MYBPC1: variants seen among roughly 807,000 people sequenced by gnomAD.
MYBPC1 encodes myosin binding protein C1.
In MYBPC1, 52 loss-of-function variants were observed where a neutral mutation model predicts 147.1. The ratio of observed to expected loss-of-function variants is 0.35; its 90% confidence interval spans 0.28 to 0.45. MYBPC1 has a LOEUF of 0.45. Ranked by LOEUF, MYBPC1 falls within the 20% of genes least tolerant of loss-of-function variation. MYBPC1 has a pLI of 1.00. For missense variants in MYBPC1, 1,228 were observed against 1,440.3 expected (o/e 0.85, Z 2.39); for synonymous variants, 477 against 475.9 (o/e 1.00, Z -0.03).
At position 101,675,376 on chromosome 12, in the gene MYBPC1, A is replaced by T; in HGVS notation, c.2894A>T (p.Asp965Val). Reference protein sequence around the residue: ...VALTWTPPKDDGNAAITGYTI... With the variant: ...VALTWTPPKDVGNAAITGYTI... ...CTCACATGGACTCCACCAAAGGATG[A>T]TGGAAATGCTGCTATCACAGGCTAT... Residue 965 changes from aspartate to valine, a missense_variant, in exon 26 of 32, where the codon GAT becomes GTT. Asp to Val is a radical substitution (Grantham distance 152, BLOSUM62 -3). Coordinates refer to ENST00000361466, the MANE Select transcript of MYBPC1 (RefSeq NM_002465.4). 6.2e-7 allele frequency: 1 copy of T among 1,614,152 alleles called. No individual in the cohort carries two copies. The highest frequency in any genetic ancestry group is 8.5e-7 in the Non-Finnish European group (1 of 1,179,968).
intron 1 of MYBPC1, among the ~76,000 whole-genome samples, chr12:101,608,170 AGAGG>A (rs971867492): frequency 2.0e-5 from 3 of 152,242 alleles, no homozygotes; most frequent in South Asian, 2.1e-4. Context: ...TCAGTGCTGC[AGAGG>A]GAGAGAAAGT....
rs74375240 is a variant in MYBPC1, at chr12:101,617,913, C to G, written c.103+670C>G. Among the ~76,000 whole-genome samples the G allele has an allele frequency of 5.0e-3, 759 of 152,270 alleles. 13 individuals are homozygous for G. The highest frequency in any genetic ancestry group is 0.017 in the African/African-American group (726 of 41,550). ...ACCATGGAAGAAATGATTATCATTA[C>G]TGACCATCTGTCTTAAGCTAAGGAG... On this transcript the variant is annotated intron_variant, in intron 3 of 31. Coordinates refer to ENST00000361466, the MANE Select transcript of MYBPC1 (RefSeq NM_002465.4).
At chr12:101,627,647 T>A (rs1888918154) in intron 4 of MYBPC1, 122 bp from the exon 5 acceptor site, 3 of 1,104,430 alleles carry the variant, frequency 2.7e-6, no homozygotes, top group Non-Finnish European at 4.2e-6. Context: ...ACTTGTAGGG[T>A]TTTTTCCTTC....
chr12:101,687,117 G>A (rs190393230), downstream of MYBPC1, among the ~76,000 whole-genome samples: 13 of 151,688 alleles, frequency 8.6e-5, no homozygotes, highest in Middle Eastern at 3.4e-3. Flanking sequence ...GTACATGTGC[G>A]CAACGTGCAG....
intron 18 of MYBPC1, among the ~76,000 whole-genome samples, chr12:101,659,281 C>CA (rs1016003144): frequency 6.6e-6 from 1 of 152,188 alleles, no homozygotes; most frequent in Non-Finnish European, 1.5e-5. Flanking sequence ...ATTTCATACA[C>CA]AGGGATTCCT....
chr12:101,624,064 G>A (rs920696418), intron 3 of MYBPC1, among the ~76,000 whole-genome samples: 3 of 151,986 alleles, frequency 2.0e-5, no homozygotes, highest in African/African-American at 7.3e-5. Flanking sequence ...TGAGAGCTTT[G>A]AGATATCCTG....
rs1593538879 is a variant in MYBPC1 at position 101,594,983 on chromosome 12, T to C, written c.-88T>C. On this transcript the variant is annotated 5_prime_UTR_variant, in exon 1 of 32. Transcript: ENST00000361466. ...TCCCCAACTGCTTGTCACACCGACC[T>C]GCACCATCTCTCGCCTGCCTGTGGG... 1.5e-6 allele frequency: 2 copies of C among 1,314,052 alleles called. No homozygotes were observed. The highest frequency in any genetic ancestry group is 2.2e-6 in the Non-Finnish European group (2 of 910,804). The allele number at this position is 1,314,052 out of a possible 1,614,324, so 81.4% of individuals were successfully genotyped here.
At chr12:101,599,318 G>C (rs1878845390) in intron 1 of MYBPC1, among the ~76,000 whole-genome samples, 1 of 152,158 alleles carries the variant, frequency 6.6e-6, no homozygotes, top group Admixed American at 6.5e-5. Context: ...TGTTGTTGTT[G>C]TTGTTGTTGG....
chr12:101,675,757 T>C (rs1397452592), intron 26 of MYBPC1, among the ~76,000 whole-genome samples: 1 of 152,262 alleles, frequency 6.6e-6, no homozygotes, highest in Non-Finnish European at 1.5e-5. Context: ...ACTGGTTCAA[T>C]GTTCAGTAGA....
the MYBPC1 span, among the ~76,000 whole-genome samples, chr12:101,693,426 T>C: frequency 2.6e-5 from 4 of 152,096 alleles, no homozygotes; most frequent in Non-Finnish European, 5.9e-5. Flanking sequence ...CAATACCCAC[T>C]CTCTCACTTT....
intron 2 of MYBPC1, among the ~76,000 whole-genome samples, chr12:101,616,960 T>C (rs1886242721): frequency 6.6e-6 from 1 of 152,210 alleles, no homozygotes; most frequent in Non-Finnish European, 1.5e-5. Context: ...AAATCTGTAT[T>C]GAGTGTTCTT....
At chr12:101,662,806 C>T (rs1896791583) in intron 21 of MYBPC1, among the ~76,000 whole-genome samples, 2 of 152,166 alleles carry the variant, frequency 1.3e-5, no homozygotes, top group Non-Finnish European at 2.9e-5. Context: ...TTGCCATTCC[C>T]CACTGAAAAC....
At chr12:101,600,463 G>A (rs1879447225) in intron 1 of MYBPC1, 1 of 152,102 alleles carries the variant, frequency 6.6e-6, no homozygotes, top group African/African-American at 2.4e-5. Context: ...TAAATAAGTG[G>A]TCTCTTTAAA....
At chr12:101,616,704 A>T (rs907864435) in intron 2 of MYBPC1, among the ~76,000 whole-genome samples, 3 of 152,272 alleles carry the variant, frequency 2.0e-5, no homozygotes, top group Non-Finnish European at 2.9e-5. Flanking sequence ...AATCCAGAAG[A>T]TTCACATGGA....
intron 3 of MYBPC1, among the ~76,000 whole-genome samples, chr12:101,617,516 G>A (rs902168496): frequency 5.3e-5 from 8 of 152,078 alleles, no homozygotes; most frequent in South Asian, 4.1e-4. Context: ...TCCAAGTTTC[G>A]ACATGCATGC....
chr12:101,672,365 G>C (rs550375425), intron 24 of MYBPC1, among the ~76,000 whole-genome samples: 1 of 152,124 alleles, frequency 6.6e-6, no homozygotes, highest in Non-Finnish European at 1.5e-5. Context: ...GCCAGGGTAC[G>C]CCTGGATGCT....
chr12:101,605,091 T>C (rs1046883485), intron 1 of MYBPC1, among the ~76,000 whole-genome samples: 4 of 152,214 alleles, frequency 2.6e-5, no homozygotes, highest in African/African-American at 9.7e-5. Flanking sequence ...GCCTGGAACG[T>C]AGGAGCTTGA....
intron 16 of MYBPC1, among the ~76,000 whole-genome samples, chr12:101,652,323 AT>A (rs1175778586): frequency 6.6e-6 from 1 of 152,202 alleles, no homozygotes; most frequent in East Asian, 1.9e-4. Context: ...CAAAATCAAG[AT>A]TATTCTTGGC....
At chr12:101,679,176 G>T (rs1950770386) in intron 28 of MYBPC1, among the ~76,000 whole-genome samples, 1 of 151,358 alleles carries the variant, frequency 6.6e-6, no homozygotes, top group South Asian at 2.1e-4. Flanking sequence ...GAAAATCAAA[G>T]GAAGAAGTCA....
Sources: gnomAD v4.1 joint callset for allele counts (sites outside exome capture counted in the v4.1 genomes callset) on GRCh38, gnomAD v4.1.1 for gene constraint, MANE v1.5 for transcripts, NCBI Gene and HGNC (gene_info 2026-07-23, HGNC 2026-07-21) for gene names.